PLXDC2: variants seen among roughly 807,000 people sequenced by gnomAD.
PLXDC2 encodes plexin domain-containing protein 2.
PLXDC2 carries 40 observed loss-of-function variants against 68.9 expected under a neutral mutation model. The observed-to-expected ratio is 0.58, with a 90% CI of 0.45 to 0.76. The LOEUF (loss-of-function observed/expected upper bound fraction) is 0.76, where lower values mean the gene tolerates loss of function less well. Ranked by LOEUF, PLXDC2 falls within the 30% of genes least tolerant of loss-of-function variation. The pLI, the probability that PLXDC2 is intolerant of heterozygous loss-of-function variation, is 0.00. For missense variants in PLXDC2, 644 were observed against 661.9 expected (o/e 0.97, Z 0.30); for synonymous variants, 243 against 234.2 (o/e 1.04, Z -0.34).
intron 1 of PLXDC2, among the ~76,000 whole-genome samples, chr10:19,823,704 A>T (rs1836522046): frequency 6.6e-6 from 1 of 151,822 alleles, no homozygotes; most frequent in Non-Finnish European, 1.5e-5. Context: ...ACTTGTTTTG[A>T]GGTGAGGTTC....
At chr10:19,983,814 C>A (rs181190447) in intron 1 of PLXDC2, among the ~76,000 whole-genome samples, 6 of 152,220 alleles carry the variant, frequency 3.9e-5, no homozygotes, top group Admixed American at 2.6e-4. Context: ...TTGGACCTCC[C>A]GAGTCAGATC....
intron 9 of PLXDC2, among the ~76,000 whole-genome samples, chr10:20,202,853 C>T (rs1394491720): frequency 6.6e-6 from 1 of 152,118 alleles, no homozygotes; most frequent in Non-Finnish European, 1.5e-5. Flanking sequence ...GTTTCCTAAA[C>T]TGGGCTTAGT....
intron 4 of PLXDC2, among the ~76,000 whole-genome samples, chr10:20,072,377 TAAAGAGAG>T (rs1836333862): frequency 1.7e-5 from 1 of 58,852 alleles, no homozygotes; most frequent in Non-Finnish European, 3.8e-5. Context: ...TCAAAAAAAA[TAAAGAGAG>T]AAAGAGGAAA....
At chr10:20,179,944 C>T (rs1834579009) in intron 9 of PLXDC2, among the ~76,000 whole-genome samples, 1 of 152,038 alleles carries the variant, frequency 6.6e-6, no homozygotes, top group South Asian at 2.1e-4. Context: ...GTTTTCAATA[C>T]CTGCTCTGTG....
chr10:19,984,973 C>G (rs1479227404), intron 1 of PLXDC2, among the ~76,000 whole-genome samples: 1 of 152,128 alleles, frequency 6.6e-6, no homozygotes, highest in African/African-American at 2.4e-5. Context: ...AATTCTTACT[C>G]TTGTAAAAGG....
chr10:19,844,049 T>C (rs1248313418), intron 1 of PLXDC2, among the ~76,000 whole-genome samples: 2 of 152,106 alleles, frequency 1.3e-5, no homozygotes, highest in Non-Finnish European at 2.9e-5. Flanking sequence ...TGCAAATACG[T>C]AAAATATTAT....
At chr10:19,941,766 C>G (rs1338750139) in intron 1 of PLXDC2, among the ~76,000 whole-genome samples, 7 of 152,112 alleles carry the variant, frequency 4.6e-5, no homozygotes, top group African/African-American at 1.7e-4. Flanking sequence ...TTCCTTCTTT[C>G]TCTTTTCTCC....
At chr10:19,906,522 A>G (rs372971645) in intron 1 of PLXDC2, among the ~76,000 whole-genome samples, 7 of 152,280 alleles carry the variant, frequency 4.6e-5, no homozygotes, top group East Asian at 1.9e-4. Context: ...TGCCTGTTAC[A>G]TGACTCTGGG....
chr10:20,209,994 G>A (rs1459732786), intron 9 of PLXDC2, among the ~76,000 whole-genome samples: 4 of 152,104 alleles, frequency 2.6e-5, no homozygotes, highest in African/African-American at 9.7e-5. Flanking sequence ...CTTCTGCCAT[G>A]GCTTCAGCCG....
intron 4 of PLXDC2, among the ~76,000 whole-genome samples, chr10:20,091,062 C>G (rs927497233): frequency 2.6e-5 from 4 of 152,158 alleles, no homozygotes; most frequent in South Asian, 2.1e-4. Flanking sequence ...CCAGCCCCCC[C>G]ACACCCCGGT....
chr10:20,250,553 A>G (rs537798852), intron 13 of PLXDC2, among the ~76,000 whole-genome samples: 11 of 152,296 alleles, frequency 7.2e-5, no homozygotes, highest in Non-Finnish European at 1.0e-4. Context: ...GCCTTAAGTA[A>G]GTTCTCAACA....
intron 10 of PLXDC2, among the ~76,000 whole-genome samples, chr10:20,212,329 G>A (rs1487969494): frequency 6.6e-6 from 1 of 152,068 alleles, no homozygotes; most frequent in East Asian, 1.9e-4. Context: ...AACATTAGTT[G>A]GCATAGAGAG....
At chr10:20,191,497 A>G (rs940723563) in intron 9 of PLXDC2, among the ~76,000 whole-genome samples, 1 of 151,160 alleles carries the variant, frequency 6.6e-6, no homozygotes, top group Non-Finnish European at 1.5e-5. Context: ...GTATTGACCC[A>G]TGCCCTCATC....
At chr10:19,990,920 C>T (rs2131628407) in intron 1 of PLXDC2, among the ~76,000 whole-genome samples, 1 of 152,174 alleles carries the variant, frequency 6.6e-6, no homozygotes, top group African/African-American at 2.4e-5. Context: ...TGAAAAAAAT[C>T]TTACTAAATT....
chr10:19,863,782 C>CT (rs1016540371), intron 1 of PLXDC2, among the ~76,000 whole-genome samples: 1 of 150,280 alleles, frequency 6.7e-6, no homozygotes, highest in East Asian at 2.0e-4. Context: ...AAACCGTTTT[C>CT]TTTTTTTCTT....
intron 9 of PLXDC2, among the ~76,000 whole-genome samples, chr10:20,182,929 G>A (rs963043332): frequency 6.6e-6 from 1 of 151,892 alleles, no homozygotes; most frequent in South Asian, 2.1e-4. Flanking sequence ...TCCCCCTTAT[G>A]AGTGAGAACA....
At chr10:19,907,201 A>T (rs1833179647) in intron 1 of PLXDC2, among the ~76,000 whole-genome samples, 1 of 152,202 alleles carries the variant, frequency 6.6e-6, no homozygotes, top group Non-Finnish European at 1.5e-5. Flanking sequence ...TTCTAGCCTT[A>T]AGATGATAGT....
chr10:19,999,840 TG>T (rs1834904070), intron 1 of PLXDC2, among the ~76,000 whole-genome samples: 1 of 152,238 alleles, frequency 6.6e-6, no homozygotes, highest in Non-Finnish European at 1.5e-5. Context: ...TCTCAGAGCC[TG>T]ACACATTCTC....
At chr10:20,197,578 G>C (rs551744058) in intron 9 of PLXDC2, among the ~76,000 whole-genome samples, 1 of 152,096 alleles carries the variant, frequency 6.6e-6, no homozygotes, top group African/African-American at 2.4e-5. Context: ...GGATGGTCTT[G>C]ATCTCTTGAC....
Sources: gnomAD v4.1 joint callset for allele counts (sites outside exome capture counted in the v4.1 genomes callset) on GRCh38, gnomAD v4.1.1 for gene constraint, MANE v1.5 for transcripts, NCBI Gene and HGNC (gene_info 2026-07-23, HGNC 2026-07-21) for gene names.